Variants in RP1 observed in about 807,000 individuals in gnomAD.
The protein encoded by RP1 is oxygen-regulated protein 1.
RP1 carries 16 observed loss-of-function variants against 14.8 expected under a neutral mutation model. The observed-to-expected ratio is 1.08, with a 90% CI of 0.73 to 1.65. RP1 has a LOEUF of 1.65. Ranked by LOEUF, RP1 falls within the 40% of genes most tolerant of loss-of-function variation. The probability of loss-of-function intolerance (pLI) is 0.00; values close to 1 mark genes in which losing one functional copy is unlikely to be tolerated. For synonymous variants in RP1, 876 were observed against 883.6 expected (o/e 0.99, Z 0.15); for missense variants, 2,631 against 2,535.0 (o/e 1.04, Z -0.81).
chr8:54,858,911 G>A (rs966402427), intron 27 of RP1, among the ~76,000 whole-genome samples: 8 of 152,052 alleles, frequency 5.3e-5, no homozygotes, highest in Non-Finnish European at 1.2e-4. Flanking sequence ...TCACCATAGA[G>A]TGGCTTCACT....
intron 24 of RP1, among the ~76,000 whole-genome samples, chr8:54,809,050 A>G (rs1293709615): frequency 2.6e-5 from 4 of 152,254 alleles, no homozygotes; most frequent in Non-Finnish European, 4.4e-5. Context: ...GTATTTATGC[A>G]AATAATTTCA....
At chr8:54,795,420 C>T (rs1436606289) in intron 24 of RP1, among the ~76,000 whole-genome samples, 1 of 152,078 alleles carries the variant, frequency 6.6e-6, no homozygotes, top group Non-Finnish European at 1.5e-5. Context: ...CTATGGAAAA[C>T]ATATCGTTGA....
chr8:54,598,351 C>T (rs1240169257), intron 1 of RP1, among the ~76,000 whole-genome samples: 4 of 152,150 alleles, frequency 2.6e-5, no homozygotes, highest in Non-Finnish European at 5.9e-5. Flanking sequence ...ACATAACTAT[C>T]AGTCTACTGA....
At chr8:54,742,446 T>C (rs566181287) in intron 19 of RP1, among the ~76,000 whole-genome samples, 1 of 152,330 alleles carries the variant, frequency 6.6e-6, no homozygotes, top group Non-Finnish European at 1.5e-5. Flanking sequence ...TATTGTAGTA[T>C]TTCTTAGGAC....
intron 24 of RP1, among the ~76,000 whole-genome samples, chr8:54,804,184 G>C (rs1294454067): frequency 6.6e-6 from 1 of 152,030 alleles, no homozygotes; most frequent in South Asian, 2.1e-4. Flanking sequence ...GAAAAACTAA[G>C]CTTCTTTGAA....
exon 4 of RP1, chr8:54,649,124 G>A: frequency 1.3e-6 from 2 of 1,505,304 alleles, no homozygotes; most frequent in Non-Finnish European, 1.8e-6. Context: ...CTCGATTTCA[G>A]GTTGGCCATG....
At chr8:54,777,288 C>T (rs1287577580) in intron 23 of RP1, among the ~76,000 whole-genome samples, 3 of 152,180 alleles carry the variant, frequency 2.0e-5, no homozygotes, top group Non-Finnish European at 4.4e-5. Flanking sequence ...GTTTGGACTA[C>T]AGCAAGCACT....
At chr8:54,757,395 G>A (rs1304620621) in intron 21 of RP1, among the ~76,000 whole-genome samples, 4 of 152,230 alleles carry the variant, frequency 2.6e-5, no homozygotes, top group Non-Finnish European at 4.4e-5. Flanking sequence ...TCAAAGTGTT[G>A]TAGTTTGGGC....
At chr8:54,708,070 C>T (rs2129345685) in intron 15 of RP1, among the ~76,000 whole-genome samples, 1 of 152,318 alleles carries the variant, frequency 6.6e-6, no homozygotes, top group South Asian at 2.1e-4. Flanking sequence ...AGTAGCCTTC[C>T]TATCCTCAAC....
intron 3 of RP1, among the ~76,000 whole-genome samples, chr8:54,646,736 C>G (rs1806558509): frequency 6.6e-6 from 1 of 152,162 alleles, no homozygotes; most frequent in African/African-American, 2.4e-5. Context: ...CATTCTTTCA[C>G]TTTTCAGCCT....
intron 27 of RP1, among the ~76,000 whole-genome samples, chr8:54,863,676 C>T (rs1003760871): frequency 5.3e-5 from 8 of 152,182 alleles, no homozygotes; most frequent in African/African-American, 1.7e-4. Context: ...CATTGCTTTG[C>T]ATGGAATCTA....
intron 1 of RP1, among the ~76,000 whole-genome samples, chr8:54,575,634 T>C (rs1263707557): frequency 6.6e-6 from 1 of 152,206 alleles, no homozygotes; most frequent in Admixed American, 6.5e-5. Context: ...TTTTTAACTT[T>C]TATTTTTATT....
intron 3 of RP1, among the ~76,000 whole-genome samples, chr8:54,648,828 T>C (rs977578027): frequency 1.3e-5 from 2 of 152,186 alleles, no homozygotes; most frequent in African/African-American, 4.8e-5. Flanking sequence ...GTATTTTAAA[T>C]TCCAAATATA....
chr8:54,570,471 G>C (rs911461082), intron 1 of RP1, among the ~76,000 whole-genome samples: 5 of 151,832 alleles, frequency 3.3e-5, no homozygotes, highest in African/African-American at 1.2e-4. Context: ...TGGGATTACA[G>C]GAATGCGCCA....
At chr8:54,678,395 A>T in intron 8 of RP1, 1 of 1,361,100 alleles carries the variant, frequency 7.3e-7, no homozygotes, top group African/African-American at 1.4e-5. Flanking sequence ...CTTGTTTCTC[A>T]AAACTTGAAG....
chr8:54,565,107 T>C (rs2129290943), intron 1 of RP1, among the ~76,000 whole-genome samples: 2 of 151,564 alleles, frequency 1.3e-5, no homozygotes, highest in South Asian at 4.2e-4. Context: ...CAGACAGGAG[T>C]GTGTCAGTTG....
At chr8:54,565,249 G>A (rs1804376898) in intron 1 of RP1, among the ~76,000 whole-genome samples, 1 of 152,218 alleles carries the variant, frequency 6.6e-6, no homozygotes, top group East Asian at 1.9e-4. Context: ...GGCCAGCCAT[G>A]GAGGTGAACA....
chr8:54,582,505 T>A (rs1271407908), intron 1 of RP1, among the ~76,000 whole-genome samples: 2 of 150,994 alleles, frequency 1.3e-5, no homozygotes, highest in African/African-American at 4.9e-5. Context: ...TGGTTCCATA[T>A]GAACTTAAAA....
chr8:54,848,692 G>T (rs1811986955), intron 25 of RP1, among the ~76,000 whole-genome samples: 1 of 152,148 alleles, frequency 6.6e-6, no homozygotes, highest in Non-Finnish European at 1.5e-5. Context: ...TATTTAAAGA[G>T]ATAAAAAAAG....
Sources: allele counts gnomAD v4.1 joint callset (sites outside exome capture counted in the v4.1 genomes callset), GRCh38; gene constraint gnomAD v4.1.1; transcripts MANE v1.5; gene names NCBI Gene and HGNC (gene_info 2026-07-23, HGNC 2026-07-21).